GATA6: variants seen among roughly 807,000 people sequenced by gnomAD.
GATA6 encodes the protein transcription factor GATA-6.
Under a neutral mutation model 48.1 loss-of-function variants are expected in GATA6, and 11 were observed. That is an observed-to-expected ratio of 0.23 (90% CI 0.14 to 0.38). The LOEUF (loss-of-function observed/expected upper bound fraction) is 0.38, where lower values mean the gene tolerates loss of function less well. Among genes scored for constraint, GATA6 ranks in the 10% least tolerant of loss-of-function variants. The pLI, the probability that GATA6 is intolerant of heterozygous loss-of-function variation, is 1.00. For missense variants in GATA6, 795 were observed against 850.3 expected, an observed-to-expected ratio of 0.93 and a Z score of 0.81; for synonymous variants, 419 against 396.1, an observed-to-expected ratio of 1.06 and a Z score of -0.69.
intron 4 of GATA6, 88 bp downstream of exon 4, chr18:22,181,666 T>C: frequency 4.1e-6 from 6 of 1,475,646 alleles, no homozygotes; most frequent in Admixed American, 3.4e-5. Context: ...AAATGAAAGA[T>C]ACTCAAGTGA....
At chr18:22,194,086 T>A (rs1294536268) in intron 6 of GATA6, among the ~76,000 whole-genome samples, 2 of 150,624 alleles carry the variant, frequency 1.3e-5, no homozygotes, top group Non-Finnish European at 3.0e-5. Flanking sequence ...AAAAAAAAAA[T>A]TCTAGGTGAT....
Position 22,171,801 on chromosome 18 carries a change from G to A in GATA6, c.657G>A (p.Ala219=). The change falls in exon 2 of 7, where the codon GCG becomes GCA. Residue 219 remains alanine (A), a synonymous_variant. Transcript: ENST00000269216. This position sits in a 1 kb window ranked among gnomAD's most constrained non-coding sequence, Gnocchi z 7.1. ...GSGPANHAGG[A]GAHPGWPQAS... ...GGCCAGCCAACCACGCGGGCGGCGC[G>A]GGCGCGCACCCCGGCTGGCCTCAGG... 1 of 1,299,254 alleles carries A rather than the reference G, an allele frequency of 7.7e-7. No individual in the cohort carries two copies. Among genetic ancestry groups the A allele is most frequent in the Non-Finnish European group, 9.7e-7 (1 of 1,031,964 alleles). 80.5% of individuals were successfully genotyped at this position (1,299,254 alleles called of 1,614,324 possible). A position where few individuals can be genotyped will look rare whatever the true frequency, so the allele number is the denominator to read the frequency against.
intron 2 of GATA6, among the ~76,000 whole-genome samples, chr18:22,174,610 G>A (rs1461859810): frequency 6.6e-6 from 1 of 152,106 alleles, no homozygotes; most frequent in Non-Finnish European, 1.5e-5. Context: ...AGGAAATCAG[G>A]AAGTGACTGG....
chr18:22,195,565 G>A (rs1464932337), intron 6 of GATA6, among the ~76,000 whole-genome samples: 1 of 152,158 alleles, frequency 6.6e-6, no homozygotes, highest in Non-Finnish European at 1.5e-5. Context: ...TTCAATTTAA[G>A]TATTCAAAGA....
chr18:22,171,450 CG>C lies in GATA6; in HGVS notation c.311del (p.Gly104AlafsTer33). 6.3e-7 allele frequency: 1 copy of C among 1,596,168 alleles called. No homozygotes were observed. Reference protein sequence around the residue: ...GPSAPGVAGPGGNLSSWEDLL... With the variant: ...GPSAPGVAGPXGNLSSWEDLL... ...CTTCGGCGCCTGGGGTCGCGGGCCC[CG>C]GGGGCAACCTGTCGAGCTGGGAGGA... is the stretch of plus-strand genomic sequence containing the variant. On this transcript the variant is annotated frameshift_variant, in exon 2 of 7. Coordinates refer to ENST00000269216, the MANE Select transcript of GATA6 (RefSeq NM_005257.6). LOFTEE classifies it high-confidence loss of function. The surrounding 1 kb of genome is among the most constrained non-coding windows in gnomAD (Gnocchi z 7.1).
chr18:22,193,591 AG>A (rs1276437273), intron 6 of GATA6, among the ~76,000 whole-genome samples: 1 of 152,198 alleles, frequency 6.6e-6, no homozygotes, highest in Non-Finnish European at 1.5e-5. Flanking sequence ...TCAGATGTGT[AG>A]GAAGGACGGA....
At position 22,171,548 on chromosome 18, in the gene GATA6, A is replaced by G. The variant is rs764359108; in HGVS notation, c.404A>G (p.Lys135Arg). ...SKLLWSSRGA[K>R]LSPFAPEQPE... ...CTGCTGTGGTCCAGCCGCGGCGCCAAGCTGAGCCCCTTCGCACCCGAGCAG... is the reference window on the plus strand; with the variant it reads ...CTGCTGTGGTCCAGCCGCGGCGCCAGGCTGAGCCCCTTCGCACCCGAGCAG... Residue 135 changes from lysine (K) to arginine (R), a missense_variant, in exon 2 of 7, where the codon AAG becomes AGG. Physicochemically the swap from Lys to Arg is conservative, Grantham distance 26. Transcript: ENST00000269216. This position sits in a 1 kb window ranked among gnomAD's most constrained non-coding sequence, Gnocchi z 7.1. 8.1e-6 allele frequency: 13 copies of G among 1,602,638 alleles called. No individual in the cohort carries two copies. The South Asian group carries it at 1.1e-4, about 14-fold the overall frequency.
chr18:22,195,995 C>T (rs1487505020), intron 6 of GATA6, among the ~76,000 whole-genome samples: 1 of 152,196 alleles, frequency 6.6e-6, no homozygotes, highest in Non-Finnish European at 1.5e-5. Context: ...AGGGTCTAAA[C>T]TTCTGGATGG....
rs117538496 is a variant in GATA6, at chr18:22,183,326, T to C, written c.1620+283T>C. Among the ~76,000 whole-genome samples the C allele has an allele frequency of 0.024, 3,619 of 151,908 alleles. 62 individuals carry two copies. Among genetic ancestry groups the C allele is most frequent in the Non-Finnish European group, 0.036 (2,412 of 67,702 alleles). ...TGGTTTAAAGTGTTTTAAATTGTTT[T>C]ATTTCCAGGTTTTTATCAGAGTTGC... On this transcript the variant is annotated intron_variant, in intron 6 of 6. Coordinates refer to ENST00000269216, the MANE Select transcript of GATA6 (RefSeq NM_005257.6).
chr18:22,198,746 TA>T (rs1182613813), intron 6 of GATA6, among the ~76,000 whole-genome samples: 1 of 152,232 alleles, frequency 6.6e-6, no homozygotes, highest in African/African-American at 2.4e-5. Flanking sequence ...GGGCTAAAGT[TA>T]ATCACTATGT....
intron 2 of GATA6, among the ~76,000 whole-genome samples, chr18:22,173,258 C>A (rs1040019545): frequency 6.6e-6 from 1 of 152,182 alleles, no homozygotes; most frequent in Non-Finnish European, 1.5e-5. Flanking sequence ...GTCCTTGGTG[C>A]TTTCAACTGG....
chr18:22,183,448 A>G (rs1430842882), intron 6 of GATA6, among the ~76,000 whole-genome samples: 1 of 152,200 alleles, frequency 6.6e-6, no homozygotes, highest in Non-Finnish European at 1.5e-5. Flanking sequence ...ATAACAGTTA[A>G]GTAGCTTTTG....
rs1366190610 is a variant in GATA6, at chr18:22,177,083, G to A, written c.1264G>A (p.Gly422Ser). 1 of 1,559,072 alleles carries A rather than the reference G, an allele frequency of 6.4e-7. No homozygotes were observed. The highest frequency in any genetic ancestry group is 8.7e-7 in the Non-Finnish European group (1 of 1,153,836). The stretch of plus-strand genomic sequence containing the variant: ...CTGCGGGCTCTACAGCAAGATGAAC[G>A]GCCTCAGCCGGCCCCTCATCAAGCC... ...NACGLYSKMN[G>S]LSRPLIKPQK... The change falls in exon 3 of 7, where the codon GGC becomes AGC. Residue 422 changes from glycine to serine, a missense_variant. Gly to Ser is a moderately conservative substitution (Grantham distance 56). Transcript: ENST00000269216.
At chr18:22,174,173 C>T (rs986423478) in intron 2 of GATA6, among the ~76,000 whole-genome samples, 1 of 152,126 alleles carries the variant, frequency 6.6e-6, no homozygotes, top group Non-Finnish European at 1.5e-5. Context: ...TTTTGTCAGT[C>T]GGGGAGTTCC....
In GATA6 at chr18:22,182,780, A is replaced by G. The variant is rs2033214872; in HGVS notation, c.1452A>G (p.Lys484=). ...AGGTGCCCAGACCACTTGCTATGAA[A>G]AAAGAGGGAATTCAAACCAGGAAAC... ...LHGVPRPLAM[K]KEGIQTRKRK... Residue 484 remains lysine, a synonymous_variant, in exon 5 of 7, where the codon AAA becomes AAG. Coordinates refer to ENST00000269216, the MANE Select transcript of GATA6 (RefSeq NM_005257.6). The G allele has an allele frequency of 6.2e-7, 1 of 1,614,096 alleles. No homozygotes were observed. Among genetic ancestry groups the G allele is most frequent in the East Asian group, 2.2e-5 (1 of 44,878 alleles).
rs1277552749 is a variant in GATA6 at position 22,177,036 on chromosome 18, C to G, written c.1217C>G (p.Thr406Ser). The G allele has an allele frequency of 3.2e-6, 5 of 1,576,924 alleles. No homozygotes were observed. In the Admixed American group the frequency reaches 5.4e-5, roughly 17 times the overall value. Residue 406 changes from threonine to serine, a missense_variant, in exon 3 of 7, where the codon ACC (threonine) becomes AGC (serine). Thr to Ser is a moderately conservative substitution (Grantham distance 58). Around this residue, in one of 5 missense-constraint regions of GATA6, gnomAD observed 76 missense variants for 113.1 expected, o/e 0.67. Transcript: ENST00000269216. ...ACGCCGCTGTGGCGGCGGGACGGCA[C>G]CGGCCACTACCTGTGCAACGCCTGC... Reference protein sequence around the residue: ...IQTPLWRRDGTGHYLCNACGL... With the variant: ...IQTPLWRRDGSGHYLCNACGL...
At chr18:22,189,826 T>G (rs533401287) in intron 6 of GATA6, among the ~76,000 whole-genome samples, 1 of 152,318 alleles carries the variant, frequency 6.6e-6, no homozygotes, top group East Asian at 1.9e-4. Context: ...AGGCAGGAAA[T>G]TAGTTTCTAT....
In GATA6 at chr18:22,172,111, T is replaced by TACCACC. The variant is rs562588574; in HGVS notation, c.993_998dup (p.His332_His333dup). ...GGCCGCGCGGCCGCTGAACGGGACG[T>TACCACC]ACCACCACCACCACCACCACCACCA... On this transcript the variant is annotated inframe_insertion, in exon 2 of 7. Transcript: ENST00000269216. The surrounding 1 kb of genome is among the most constrained non-coding windows in gnomAD (Gnocchi z 5.2). The TACCACC allele has an allele frequency of 1.6e-5, 24 of 1,463,806 alleles. No homozygotes were observed. Among genetic ancestry groups the TACCACC allele is most frequent in the Middle Eastern group, 1.9e-4 (1 of 5,338 alleles). 90.7% of individuals were successfully genotyped at this position (1,463,806 alleles called of 1,614,324 possible).
At chr18:22,198,700 C>A (rs1360837241) in intron 6 of GATA6, among the ~76,000 whole-genome samples, 1 of 152,148 alleles carries the variant, frequency 6.6e-6, no homozygotes, top group Non-Finnish European at 1.5e-5. Flanking sequence ...TCTGGATCCA[C>A]ACTGGATTTG....
Sources: gnomAD v4.1 joint callset for allele counts (sites outside exome capture counted in the v4.1 genomes callset) on GRCh38, gnomAD v4.1.1 for gene constraint, gnomAD v4.1.1 regional missense constraint, Gnocchi (gnomAD v3.1) non-coding constraint, MANE v1.5 for transcripts, NCBI Gene and HGNC (gene_info 2026-07-23, HGNC 2026-07-21) for gene names.